Variants in NOD2 observed in about 807,000 individuals in gnomAD.
The protein encoded by NOD2 is nucleotide-binding oligomerization domain-containing protein 2.
NOD2 carries 86 observed loss-of-function variants against 90.9 expected under a neutral mutation model. That is an observed-to-expected ratio of 0.95 (90% CI 0.79 to 1.13). The LOEUF is 1.13. NOD2 is among the 50% of genes most tolerant of loss of function. The pLI is 0.00. For missense variants in NOD2, 1,238 were observed against 1,283.8 expected (o/e 0.96, Z 0.55); for synonymous variants, 581 against 554.6 (o/e 1.05, Z -0.67).
rs1471676926 is a variant in NOD2 at position 50,731,851 on chromosome 16, T to C, written c.*32T>C. On this transcript the variant is annotated 3_prime_UTR_variant, in exon 12 of 12. Transcript: ENST00000647318. ...CGGGAGGATGTTCGTCTCAGTTTGTTTGTGAGCAGGCTGTGAGTTTGGGCC... is the reference window on the plus strand; with the variant it reads ...CGGGAGGATGTTCGTCTCAGTTTGTCTGTGAGCAGGCTGTGAGTTTGGGCC... 1.3e-6 allele frequency: 2 copies of C among 1,563,780 alleles called. No individual in the cohort carries two copies. The highest frequency in any genetic ancestry group is 1.8e-6 in the Non-Finnish European group (2 of 1,134,892).
At chr16:50,707,251 G>T (rs1381265065) in intron 2 of NOD2, among the ~76,000 whole-genome samples, 2 of 152,220 alleles carry the variant, frequency 1.3e-5, no homozygotes, top group African/African-American at 4.8e-5. Flanking sequence ...CAGACGAGAG[G>T]CTTCAAGGGT....
chr16:50,728,289 G>A (rs186135087), intron 10 of NOD2: 106 of 334,196 alleles, frequency 3.2e-4, no homozygotes, highest in African/African-American at 1.9e-3. Flanking sequence ...TATCTCCTTC[G>A]CAAAACTTCT....
intron 11 of NOD2, 167 bp downstream of exon 11, chr16:50,730,068 A>G: frequency 1.6e-6 from 1 of 609,170 alleles, no homozygotes; most frequent in Non-Finnish European, 3.0e-6. Flanking sequence ...TGTCTAAGAA[A>G]GAAGTCTTTA....
At chr16:50,714,581 C>A (rs997534998) in intron 4 of NOD2, among the ~76,000 whole-genome samples, 1 of 149,974 alleles carries the variant, frequency 6.7e-6, no homozygotes, top group Non-Finnish European at 1.5e-5. Flanking sequence ...GGGAAGCAAC[C>A]ATGAGGTTGC....
intron 2 of NOD2, among the ~76,000 whole-genome samples, chr16:50,705,408 C>A (rs1479129867): frequency 6.6e-6 from 1 of 152,154 alleles, no homozygotes; most frequent in Admixed American, 6.5e-5. Context: ...GCTCATGATA[C>A]TCTTTGGTTT....
At chr16:50,716,734 G>T in intron 5 of NOD2, 64 bp downstream of exon 5, 1 of 1,542,616 alleles carries the variant, frequency 6.5e-7, no homozygotes. Context: ...AGGTCGTGCA[G>T]CCTGGGAAGC....
chr16:50,731,655 C>G, intron 11 of NOD2, 92 bp from the exon 12 acceptor site: 6 of 899,024 alleles, frequency 6.7e-6, no homozygotes, highest in Non-Finnish European at 1.1e-5. Context: ...CAGCCCATCC[C>G]AGGCATGGGT....
intron 1 of NOD2, among the ~76,000 whole-genome samples, chr16:50,693,985 C>G (rs1318097080): frequency 6.6e-6 from 1 of 152,070 alleles, no homozygotes; most frequent in African/African-American, 2.4e-5. Flanking sequence ...TGCTGCTGCT[C>G]TCTGTACCTC....
chr16:50,729,736 A>G, intron 10 of NOD2, 82 bp from the exon 11 acceptor site: 3 of 1,189,500 alleles, frequency 2.5e-6, no homozygotes, highest in Non-Finnish European at 3.8e-6. Context: ...AGACTGGCTA[A>G]CTCCTGCAGT....
intron 2 of NOD2, among the ~76,000 whole-genome samples, chr16:50,703,903 A>G (rs1057014072): frequency 2.6e-5 from 4 of 151,984 alleles, no homozygotes; most frequent in Non-Finnish European, 4.4e-5. Flanking sequence ...GACTGATGTG[A>G]ATTAGGTGCT....
At chr16:50,707,610 C>T (rs1331889917) in intron 2 of NOD2, among the ~76,000 whole-genome samples, 2 of 152,178 alleles carry the variant, frequency 1.3e-5, no homozygotes, top group Admixed American at 6.5e-5. Flanking sequence ...CATTTTGTTT[C>T]ATTTATTTTT....
intron 1 of NOD2, chr16:50,697,336 T>C (rs1311426953): frequency 3.9e-6 from 6 of 1,550,466 alleles, no homozygotes; most frequent in East Asian, 2.4e-5. Flanking sequence ...GCAGGCATTG[T>C]CCCGTCCCAG....
Position 50,711,821 on chromosome 16 carries a change from A to G in NOD2, c.1829A>G (p.Asn610Ser). 1 of 1,613,948 alleles carries G rather than the reference A, an allele frequency of 6.2e-7. No homozygotes were observed. The highest frequency in any genetic ancestry group is 8.5e-7 in the Non-Finnish European group (1 of 1,179,912). ...CTCTTCAATTGTGGCAGGCCAGGCAACTCACCAATGGCCAGGCTCCTGCCC... is the reference window on the plus strand; with the variant it reads ...CTCTTCAATTGTGGCAGGCCAGGCAGCTCACCAATGGCCAGGCTCCTGCCC... ...RHLFNCGRPG[N>S]SPMARLLPTM... The change falls in exon 4 of 12, where the codon AAC becomes AGC. Residue 610 changes from asparagine (N) to serine (S), a missense_variant. Asn to Ser is a conservative substitution (Grantham distance 46, BLOSUM62 1). Transcript: ENST00000647318.
intron 4 of NOD2, among the ~76,000 whole-genome samples, chr16:50,714,905 C>T (rs774853559): frequency 4.6e-5 from 7 of 152,252 alleles, no homozygotes; most frequent in Middle Eastern, 3.4e-3. Context: ...AGAGAGAGCA[C>T]GCACCACCAT....
chr16:50,710,869 C>A lies in NOD2; in HGVS notation c.877C>A (p.Gln293Lys). ...GCTGCACTTGCTGTGGGCTGCAGGG[C>A]AAGACTTCCAGGAATTTCTCTTTGT... is the stretch of plus-strand genomic sequence containing the variant. ...QRLHLLWAAGQDFQEFLFVFP... is the reference protein window; with the variant it reads ...QRLHLLWAAGKDFQEFLFVFP... The change falls in exon 4 of 12, where the codon CAA becomes AAA. Residue 293 changes from glutamine (Q) to lysine (K), a missense_variant. Transcript: ENST00000647318. The A allele has an allele frequency of 6.2e-7, 1 of 1,614,104 alleles. No homozygotes were observed. Among genetic ancestry groups the A allele is most frequent in the East Asian group, 2.2e-5 (1 of 44,880 alleles).
At chr16:50,710,415 GTGAA>G (rs1338530419) in intron 3 of NOD2, 139 bp from the exon 4 acceptor site, 16 of 1,052,088 alleles carry the variant, frequency 1.5e-5, no homozygotes, top group Non-Finnish European at 2.2e-5. Context: ...TGCACAGCTT[GTGAA>G]TGGAGGAGCC....
intron 10 of NOD2, among the ~76,000 whole-genome samples, chr16:50,727,029 A>C (rs528158669): frequency 4.0e-5 from 6 of 151,668 alleles, no homozygotes; most frequent in Admixed American, 3.9e-4. Flanking sequence ...AATCCCATCT[A>C]CTCAGGAAGC....
chr16:50,700,385 A>G (rs1963887363), intron 2 of NOD2, among the ~76,000 whole-genome samples: 1 of 152,132 alleles, frequency 6.6e-6, no homozygotes, highest in Admixed American at 6.5e-5. Context: ...TGGCCTCCCA[A>G]ACTGTTGGGA....
At chr16:50,696,314 G>T (rs1486110795) in intron 1 of NOD2, 2 of 152,242 alleles carry the variant, frequency 1.3e-5, no homozygotes, top group African/African-American at 2.4e-5. Context: ...GGCCCACGTG[G>T]GTCGCCCCTT....
Sources: allele counts gnomAD v4.1 joint callset (sites outside exome capture counted in the v4.1 genomes callset), GRCh38; gene constraint gnomAD v4.1.1; transcripts MANE v1.5; gene names NCBI Gene and HGNC (gene_info 2026-07-23, HGNC 2026-07-21).